The following MARCHF8 variants were observed in gnomAD, a reference collection of about 807,000 sequenced individuals.
MARCHF8 encodes E3 ubiquitin-protein ligase MARCHF8.
MARCHF8 carries 40 observed loss-of-function variants against 51.6 expected under a neutral mutation model. The observed-to-expected ratio is 0.77, with a 90% CI of 0.60 to 1.01. The LOEUF (loss-of-function observed/expected upper bound fraction) is 1.01. MARCHF8 is among the 50% of genes least tolerant of loss of function. The pLI, the probability that MARCHF8 is intolerant of heterozygous loss-of-function variation, is 0.00. For synonymous variants in MARCHF8, 263 were observed against 280.3 expected (o/e 0.94, Z 0.62); for missense variants, 685 against 708.6 (o/e 0.97, Z 0.38).
chr10:45,536,407 T>A (rs1335507908), upstream of MARCHF8, among the ~76,000 whole-genome samples: 1 of 151,380 alleles, frequency 6.6e-6, no homozygotes, highest in African/African-American at 2.4e-5. Context: ...AAACTACACA[T>A]CATCAGAATA....
chr10:45,582,614 A>G (rs1302495668), intron 1 of MARCHF8, among the ~76,000 whole-genome samples: 2 of 152,220 alleles, frequency 1.3e-5, no homozygotes, highest in East Asian at 1.9e-4. Flanking sequence ...GCTGCTTGCC[A>G]GAGGTCAAGC....
chr10:45,482,740 G>A (rs2042909700), intron 3 of MARCHF8, among the ~76,000 whole-genome samples: 1 of 152,128 alleles, frequency 6.6e-6, no homozygotes, highest in African/African-American at 2.4e-5. Flanking sequence ...GGGCGACAGA[G>A]CAAGACTCTA....
At chr10:45,552,217 CTCCCATTT>C (rs2044203750) in intron 1 of MARCHF8, among the ~76,000 whole-genome samples, 1 of 151,882 alleles carries the variant, frequency 6.6e-6, no homozygotes, top group Non-Finnish European at 1.5e-5. Context: ...AGGAATACTG[CTCCCATTT>C]TCCCATGGTG....
intron 1 of MARCHF8, among the ~76,000 whole-genome samples, chr10:45,586,499 G>T (rs1233078415): frequency 6.6e-6 from 1 of 152,012 alleles, no homozygotes; most frequent in Non-Finnish European, 1.5e-5. Context: ...TTACACCCAG[G>T]GGTGTAAATG....
intron 1 of MARCHF8, among the ~76,000 whole-genome samples, chr10:45,547,715 C>T (rs2044144576): frequency 6.6e-6 from 1 of 151,878 alleles, no homozygotes; most frequent in Non-Finnish European, 1.5e-5. Context: ...TAAAGAAGAG[C>T]TATTATAATC....
chr10:45,472,925 C>A lies in MARCHF8; in HGVS notation c.154-8598G>T, dbSNP rs529209174. On this transcript the variant is annotated intron_variant, in intron 3 of 7. Coordinates refer to ENST00000453424, the MANE Select transcript of MARCHF8 (RefSeq NM_001282866.2). ...TTTTTGTCACTTAGGAATAAATATC[C>A]TGTTTTGGGACAGCTGTTTTCTTCA... Among the ~76,000 whole-genome samples, 5 of 152,312 alleles carry A rather than the reference C, an allele frequency of 3.3e-5. No homozygotes were observed. The South Asian group carries it at 1.0e-3, about 32-fold the overall frequency.
intron 5 of MARCHF8, 93 bp downstream of exon 5, chr10:45,463,058 T>G (rs1842844274): frequency 7.0e-7 from 1 of 1,429,510 alleles, no homozygotes; most frequent in Admixed American, 2.6e-5. Flanking sequence ...AACTTCCTAT[T>G]ACTTCATTTT....
At position 45,548,868 on chromosome 10, in the gene MARCHF8, G is replaced by A. The variant is rs186625017; in HGVS notation, c.-78-15579C>T. ...AAATTAGCCGAGAGTAGTGGCAGGC[G>A]CCTGTAATCCCAGCTACTCAGGAGG... On this transcript the variant is annotated intron_variant, in intron 1 of 6. Transcript: ENST00000319836. 3.3e-3 allele frequency among the ~76,000 whole-genome samples: 496 copies of A among 151,940 alleles called. 2 individuals carry two copies. The highest frequency in any genetic ancestry group is 5.2e-3 in the Non-Finnish European group (354 of 67,938).
chr10:45,459,215 A>C lies in MARCHF8; in HGVS notation c.1322T>G (p.Val441Gly). 1 of 1,614,158 alleles carries C rather than the reference A, an allele frequency of 6.2e-7. No homozygotes were observed. ...SSERRKIMCSVTFHVIAITCV... is the reference protein window; with the variant it reads ...SSERRKIMCSGTFHVIAITCV... ...TGTGATGGCAATGACGTGGAATGTC[A>C]CTGAGCACATGATCTTCCTGCGCTC... The change falls in exon 7 of 8, where the codon GTG becomes GGG. Residue 441 changes from valine (V) to glycine (G), a missense_variant. Coordinates refer to ENST00000453424, the MANE Select transcript of MARCHF8 (RefSeq NM_001282866.2).
At chr10:45,459,342 G>A in intron 6 of MARCHF8, 75 bp from the exon 7 acceptor site, 1 of 1,490,714 alleles carries the variant, frequency 6.7e-7, no homozygotes, top group Non-Finnish European at 9.0e-7. Context: ...ATTGTAGGTA[G>A]GTAAGATTGG....
chr10:45,454,763 T>C lies in MARCHF8; in HGVS notation c.*3476A>G, dbSNP rs1332510921. ...TCTAAGGTAAGAAAAATTTCAAATGTGAAGTGCCTTTTAGAAACTACACCA... is the reference window on the plus strand; with the variant it reads ...TCTAAGGTAAGAAAAATTTCAAATGCGAAGTGCCTTTTAGAAACTACACCA... On this transcript the variant is annotated 3_prime_UTR_variant, in exon 8 of 8. Coordinates refer to ENST00000453424, the MANE Select transcript of MARCHF8 (RefSeq NM_001282866.2). 6.6e-6 allele frequency: 1 copy of C among 152,252 alleles called. No homozygotes were observed. The highest frequency in any genetic ancestry group is 1.5e-5 in the Non-Finnish European group (1 of 68,044). The allele number at this position is 152,252 out of a possible 1,614,324, so 9.4% of individuals were successfully genotyped here. A position where few individuals can be genotyped will look rare whatever the true frequency, so the allele number is the denominator to read the frequency against.
chr10:45,476,823 G>T (rs772928291), intron 3 of MARCHF8, among the ~76,000 whole-genome samples: 28 of 152,166 alleles, frequency 1.8e-4, no homozygotes, highest in South Asian at 6.2e-4. Flanking sequence ...TTTAAAAAAG[G>T]AATAGAAAAG....
Position 45,463,617 on chromosome 10 carries a change from T to C in MARCHF8, c.622A>G (p.Lys208Glu). The change falls in exon 5 of 8, where the codon AAA (lysine) becomes GAA (glutamate). Residue 208 changes from lysine (K) to glutamate (E), a missense_variant. Physicochemically the swap from Lys to Glu is moderately conservative, Grantham distance 56 (BLOSUM62 1). Transcript: ENST00000453424. ...GAATGTTTGGAATTGCCAAGAGGTT[T>C]GTGGTTCAGGGTTCTTTTTTCTTTA... ...HHKEKRTLNHKPLGNSKHSCV... is the reference protein window; with the variant it reads ...HHKEKRTLNHEPLGNSKHSCV... 1 of 1,550,688 alleles carries C rather than the reference T, an allele frequency of 6.4e-7. No homozygotes were observed. Among genetic ancestry groups the C allele is most frequent in the Non-Finnish European group, 8.7e-7 (1 of 1,147,016 alleles).
At chr10:45,481,126 T>C (rs757837868) in intron 3 of MARCHF8, among the ~76,000 whole-genome samples, 41 of 152,384 alleles carry the variant, frequency 2.7e-4, no homozygotes, top group Non-Finnish European at 5.4e-4. Flanking sequence ...CATTGGATTG[T>C]GGACTTACAT....
intron 2 of MARCHF8, among the ~76,000 whole-genome samples, chr10:45,507,700 G>C (rs2043412350): frequency 6.6e-6 from 1 of 151,156 alleles, no homozygotes; most frequent in Non-Finnish European, 1.5e-5. Context: ...ATTTGGAGGG[G>C]ACAAATATCC....
chr10:45,588,055 G>C (rs1477742077), intron 1 of MARCHF8, among the ~76,000 whole-genome samples: 1 of 151,598 alleles, frequency 6.6e-6, no homozygotes, highest in Non-Finnish European at 1.5e-5. Context: ...CTTAATAGTG[G>C]AGCTATAAAA....
chr10:45,525,400 A>T (rs1391386523), intron 2 of MARCHF8, among the ~76,000 whole-genome samples: 1 of 152,262 alleles, frequency 6.6e-6, no homozygotes, highest in Admixed American at 6.5e-5. Flanking sequence ...ATCCTGGGAT[A>T]CAGATCATTT....
chr10:45,584,412 ATATGGACCCACAGAT>A (rs1310631386), intron 1 of MARCHF8, among the ~76,000 whole-genome samples: 45 of 152,042 alleles, frequency 3.0e-4, no homozygotes, highest in African/African-American at 7.0e-4. Flanking sequence ...TTATGGATAA[ATATGGACCCACAGAT>A]TATGGACCCA....
chr10:45,480,117 T>C (rs901108556), intron 3 of MARCHF8, among the ~76,000 whole-genome samples: 2 of 152,226 alleles, frequency 1.3e-5, no homozygotes, highest in African/African-American at 4.8e-5. Flanking sequence ...GGCAGCATTT[T>C]GCCCCTGATG....
Sources: gnomAD v4.1 joint callset for allele counts (sites outside exome capture counted in the v4.1 genomes callset) on GRCh38, gnomAD v4.1.1 for gene constraint, MANE v1.5 for transcripts, NCBI Gene and HGNC (gene_info 2026-07-23, HGNC 2026-07-21) for gene names.